TRPM4: variants seen among roughly 807,000 people sequenced by gnomAD.
TRPM4 encodes the protein transient receptor potential cation channel subfamily M member 4, also known as calcium-activated non-selective cation channel 1.
TRPM4 carries 124 observed loss-of-function variants against 135.6 expected under a neutral mutation model. The observed-to-expected ratio is 0.91, with a 90% CI of 0.79 to 1.06. TRPM4 has a LOEUF of 1.06. TRPM4 is among the 50% of genes least tolerant of loss of function. TRPM4 has a pLI of 0.00. For synonymous variants in TRPM4, 745 were observed against 705.6 expected (o/e 1.06, Z -0.88); for missense variants, 1,658 against 1,671.4 (o/e 0.99, Z 0.14).
intron 14 of TRPM4, 79 bp from the exon 15 acceptor site, chr19:49,190,129 G>T: frequency 8.5e-7 from 1 of 1,174,574 alleles, no homozygotes; most frequent in Non-Finnish European, 1.3e-6. Context: ...CTCTGGAGCT[G>T]CAGTCCAACC....
At chr19:49,193,538 G>C (rs968377885) in intron 16 of TRPM4, among the ~76,000 whole-genome samples, 2 of 152,102 alleles carry the variant, frequency 1.3e-5, no homozygotes, top group African/African-American at 4.8e-5. Flanking sequence ...TCTTGTACCT[G>C]AGTCTGTGCT....
chr19:49,198,035 TTGACAGTGA>T (rs1968764267), intron 17 of TRPM4, among the ~76,000 whole-genome samples: 1 of 152,112 alleles, frequency 6.6e-6, no homozygotes, highest in Admixed American at 6.6e-5. Context: ...TCCTGAATGG[TTGACAGTGA>T]TGACAGTGAT....
chr19:49,184,478 T>TTTTTG (rs1968120357), intron 12 of TRPM4, among the ~76,000 whole-genome samples: 1 of 117,072 alleles, frequency 8.5e-6, no homozygotes, highest in Non-Finnish European at 1.8e-5. Flanking sequence ...TTTTTTTTTT[T>TTTTTG]GAGACAGAGT....
At chr19:49,186,888 A>G (rs1167833984) in intron 12 of TRPM4, among the ~76,000 whole-genome samples, 2 of 151,534 alleles carry the variant, frequency 1.3e-5, no homozygotes, top group African/African-American at 4.9e-5. Context: ...AAAAAAAAAA[A>G]GATTTTAACA....
At chr19:49,193,946 C>T (rs1354882511) in intron 16 of TRPM4, among the ~76,000 whole-genome samples, 2 of 151,222 alleles carry the variant, frequency 1.3e-5, no homozygotes, top group African/African-American at 4.9e-5. Context: ...TCCTCCTCCT[C>T]CTTCTCCTCC....
intron 9 of TRPM4, among the ~76,000 whole-genome samples, chr19:49,178,024 G>A (rs3786557): frequency 0.32 from 48,729 of 152,028 alleles, 8,003 homozygotes; most frequent in South Asian, 0.42. Context: ...ACCAGGGTCC[G>A]TTATGTGGAT....
At position 49,190,305 on chromosome 19, in the gene TRPM4, G is replaced by A. The variant is rs79868934; in HGVS notation, c.2117G>A (p.Arg706His). 1.9e-5 allele frequency: 30 copies of A among 1,614,120 alleles called. No individual in the cohort carries two copies. In the East Asian group the frequency reaches 3.1e-4, roughly 17 times the overall value. Reference sequence around the variant, plus strand: ...TTTTGCCCTCCACTCATCTACACCCGCCTCATCACCTTCAGGTCAGTACCC... The same window carrying A: ...TTTTGCCCTCCACTCATCTACACCCACCTCATCACCTTCAGGTCAGTACCC... The part of the protein sequence containing the change: ...AFFCPPLIYT[R>H]LITFRKSEEE... The change falls in exon 15 of 25, where the codon CGC (arginine) becomes CAC (histidine). Residue 706 changes from arginine (R) to histidine (H), a missense_variant. Arg to His is a conservative substitution (Grantham distance 29). This residue lies in a region of TRPM4 where 1,412 missense variants were observed against 1,408.7 expected (regional missense o/e 1.00). Coordinates refer to ENST00000252826, the MANE Select transcript of TRPM4 (RefSeq NM_017636.4).
chr19:49,197,274 CTTTT>C (rs915464412), intron 17 of TRPM4, among the ~76,000 whole-genome samples: 6 of 145,360 alleles, frequency 4.1e-5, no homozygotes, highest in African/African-American at 7.5e-5. Flanking sequence ...TCTTTCTTTC[CTTTT>C]TTTTTCTTTC....
In TRPM4 at chr19:49,171,610, A is replaced by G. The variant is rs2122833960; in HGVS notation, c.891A>G (p.Pro297=). 1 of 1,614,098 alleles carries G rather than the reference A, an allele frequency of 6.2e-7. No homozygotes were observed. The highest frequency in any genetic ancestry group is 8.5e-7 in the Non-Finnish European group (1 of 1,180,022). The part of the protein sequence containing the change: ...RIENATQAQL[P]CLLVAGSGGA... ...AGAACGCCACCCAGGCTCAGCTCCCATGTCTCCTCGTGGCTGGCTCAGGGG... is the reference window on the plus strand; with the variant it reads ...AGAACGCCACCCAGGCTCAGCTCCCGTGTCTCCTCGTGGCTGGCTCAGGGG... Residue 297 remains proline (P), a synonymous_variant, in exon 8 of 25, where the codon CCA becomes CCG. Coordinates refer to ENST00000252826, the MANE Select transcript of TRPM4 (RefSeq NM_017636.4). The surrounding 1 kb of genome is among the most constrained non-coding windows in gnomAD (Gnocchi z 4.7).
At chr19:49,183,313 C>T (rs1968072607) in intron 12 of TRPM4, 101 bp downstream of exon 12, 1 of 1,499,464 alleles carries the variant, frequency 6.7e-7, no homozygotes, top group East Asian at 2.3e-5. Flanking sequence ...CCTGACGTCA[C>T]CTGACAGGCG....
At chr19:49,203,419 T>A (rs1162262851) in intron 20 of TRPM4, among the ~76,000 whole-genome samples, 1 of 152,168 alleles carries the variant, frequency 6.6e-6, no homozygotes, top group Non-Finnish European at 1.5e-5. Context: ...GACCTTGTGA[T>A]CCGCCCGCCT....
Position 49,157,899 on chromosome 19 carries a change from C to T in TRPM4, c.24+9C>T. On this transcript the variant is annotated intron_variant, in intron 1 of 24. Coordinates refer to ENST00000252826, the MANE Select transcript of TRPM4 (RefSeq NM_017636.4). ...TGCCGGAGAAGGAGCAGGTGAGCGC[C>T]GGACCAGGGTCTGCGGGAGCGCGGA... 2 of 1,535,344 alleles carry T rather than the reference C, an allele frequency of 1.3e-6. No individual in the cohort carries two copies. Among genetic ancestry groups the T allele is most frequent in the East Asian group, 2.4e-5 (1 of 40,886 alleles).
At position 49,210,363 on chromosome 19, in the gene TRPM4, C is replaced by T. The variant is rs1177985918; in HGVS notation, c.3286C>T (p.Pro1096Ser). Residue 1096 changes from proline (P) to serine (S), a missense_variant, in exon 21 of 25, where the codon CCC becomes TCC. Physicochemically the swap from Pro to Ser is moderately conservative, Grantham distance 74 (BLOSUM62 -1). Transcript: ENST00000252826. This position sits in a 1 kb window ranked among gnomAD's most constrained non-coding sequence, Gnocchi z 4.1. The stretch of plus-strand genomic sequence containing the variant: ...CCTGCTCAGGCAATTGTGCAGGCGA[C>T]CCCGGAGCCCCCAGCCGTCCTCCCC... ...RLLLRQLCRR[P>S]RSPQPSSPAL... The T allele has an allele frequency of 3.7e-6, 6 of 1,614,014 alleles. No individual in the cohort carries two copies. The highest frequency in any genetic ancestry group is 1.1e-5 in the South Asian group (1 of 91,088).
rs115947308 is a variant in TRPM4, at chr19:49,171,915, T to C, written c.1051-94T>C. ...GCTGGGCATATAGACTATTAGGTCCTGGAGGGGAATGGCCTCCTCCATCCC... is the reference window on the plus strand; with the variant it reads ...GCTGGGCATATAGACTATTAGGTCCCGGAGGGGAATGGCCTCCTCCATCCC... On this transcript the variant is annotated intron_variant, in intron 8 of 24. Coordinates refer to ENST00000252826, the MANE Select transcript of TRPM4 (RefSeq NM_017636.4). The surrounding 1 kb of genome is among the most constrained non-coding windows in gnomAD (Gnocchi z 4.7). 5.2e-4 allele frequency: 711 copies of C among 1,371,880 alleles called. 7 individuals carry two copies. The African/African-American group carries it at 9.4e-3, about 18-fold the overall frequency. The allele number at this position is 1,371,880 out of a possible 1,614,324, so 85.0% of individuals were successfully genotyped here.
At position 49,210,670 on chromosome 19, in the gene TRPM4, G is replaced by A. The variant is rs545182242; in HGVS notation, c.3329-40G>A. 8.4e-5 allele frequency: 136 copies of A among 1,613,804 alleles called. 1 individual carries two copies. In the South Asian group the frequency reaches 1.4e-3, roughly 17 times the overall value. ...GGAAGGGGCAGCTGGGATTGGGAAG[G>A]GGCGTGGCCTGAGCCCTTTGACTCC... On this transcript the variant is annotated intron_variant, in intron 21 of 24. Coordinates refer to ENST00000252826, the MANE Select transcript of TRPM4 (RefSeq NM_017636.4). The surrounding 1 kb of genome is among the most constrained non-coding windows in gnomAD (Gnocchi z 4.1).
At position 49,210,970 on chromosome 19, in the gene TRPM4, T is replaced by C; in HGVS notation, c.3462-45T>C. 2.6e-6 allele frequency: 1 copy of C among 390,982 alleles called. No homozygotes were observed. The highest frequency in any genetic ancestry group is 4.3e-6 in the Non-Finnish European group (1 of 229,970). 24.2% of individuals were successfully genotyped at this position (390,982 alleles called of 1,614,324 possible). ...CGGGAAGCAGGCAGAGCCCTGGGGG[T>C]GGGTGGGCTGCGGGTGCCCCCGGTA... On this transcript the variant is annotated intron_variant, in intron 22 of 24. Transcript: ENST00000252826. The surrounding 1 kb of genome is among the most constrained non-coding windows in gnomAD (Gnocchi z 4.1).
chr19:49,194,660 T>TCCCTCC (rs764879837), intron 16 of TRPM4, among the ~76,000 whole-genome samples: 2 of 50,172 alleles, frequency 4.0e-5, no homozygotes, highest in African/African-American at 8.8e-5. Flanking sequence ...TTTCTCTCTC[T>TCCCTCC]GTCCCTCCCT....
rs1351696888 is a variant in TRPM4, at chr19:49,202,022, TG to T, written c.3016del (p.Ala1006ProfsTer117). The T allele has an allele frequency of 2.5e-6, 4 of 1,613,596 alleles. No homozygotes were observed. Among genetic ancestry groups the T allele is most frequent in the South Asian group, 1.1e-5 (1 of 91,056 alleles). ...SEPGFWAHPPGAQAGTCVSQY... is the reference protein window; with the variant it reads ...SEPGFWAHPPXAQAGTCVSQY... The stretch of plus-strand genomic sequence containing the variant: ...AGCCCGGCTTCTGGGCACACCCTCC[TG>T]GGGCCCAGGCGGGCACCTGCGTCTC... On this transcript the variant is annotated frameshift_variant, in exon 20 of 25. Transcript: ENST00000252826. LOFTEE classifies it high-confidence loss of function.
At chr19:49,184,071 T>G (rs139584532) in intron 12 of TRPM4, among the ~76,000 whole-genome samples, 217 of 152,268 alleles carry the variant, frequency 1.4e-3, no homozygotes, top group Non-Finnish European at 2.4e-3. Flanking sequence ...TGTGAATTTC[T>G]TTTACTTGGA....
Sources: allele counts gnomAD v4.1 joint callset (sites outside exome capture counted in the v4.1 genomes callset), GRCh38; gene constraint gnomAD v4.1.1; regional missense constraint gnomAD v4.1.1; non-coding constraint Gnocchi (gnomAD v3.1); transcripts MANE v1.5; gene names NCBI Gene and HGNC (gene_info 2026-07-23, HGNC 2026-07-21).